The following NBAS variants were observed in gnomAD, a reference collection of about 807,000 sequenced individuals.
The protein encoded by NBAS is NBAS subunit of NRZ tethering complex, also known as NAG/BC035112 fusion.
Under a neutral mutation model 302.5 loss-of-function variants are expected in NBAS, and 219 were observed. The ratio of observed to expected loss-of-function variants is 0.72; its 90% CI spans 0.65 to 0.81. The LOEUF (loss-of-function observed/expected upper bound fraction) is 0.81, where lower values mean the gene tolerates loss of function less well. Among genes scored for constraint, NBAS ranks in the 30% least tolerant of loss-of-function variants. The pLI is 0.00. For synonymous variants in NBAS, 1,118 were observed against 1,021.6 expected (o/e 1.09, Z -1.80); for missense variants, 2,932 against 2,841.6 (o/e 1.03, Z -0.72).
At chr2:15,136,656 G>A in the NBAS span, among the ~76,000 whole-genome samples, 1 of 152,196 alleles carries the variant, frequency 6.6e-6, no homozygotes, top group Non-Finnish European at 1.5e-5. Context: ...AGGTCAGGGA[G>A]ACACGGGTTT....
intron 6 of NBAS, among the ~76,000 whole-genome samples, chr2:15,545,669 C>T (rs1664074366): frequency 6.6e-6 from 1 of 152,150 alleles, no homozygotes; most frequent in South Asian, 2.1e-4. Flanking sequence ...TAAAAGACTG[C>T]TTACAAGAAA....
At chr2:15,260,926 C>A (rs919047153) in intron 44 of NBAS, among the ~76,000 whole-genome samples, 1 of 152,198 alleles carries the variant, frequency 6.6e-6, no homozygotes, top group Non-Finnish European at 1.5e-5. Context: ...GATCCTAATC[C>A]ACAGTCTAGT....
At chr2:15,164,834 C>A (rs553612297), downstream of NBAS, among the ~76,000 whole-genome samples, 12 of 152,290 alleles carry the variant, frequency 7.9e-5, no homozygotes, top group East Asian at 1.9e-3. Context: ...TCTCTTCCCC[C>A]CTCCCCGCCG....
chr2:14,931,299 G>C, the NBAS span, among the ~76,000 whole-genome samples: 1 of 152,124 alleles, frequency 6.6e-6, no homozygotes, highest in East Asian at 1.9e-4. Context: ...AGTTTTGCAG[G>C]TTTTTTGTTT....
chr2:15,549,288 C>A (rs1664263565), intron 6 of NBAS, among the ~76,000 whole-genome samples: 1 of 151,892 alleles, frequency 6.6e-6, no homozygotes, highest in South Asian at 2.1e-4. Context: ...TTTTAATGAT[C>A]AATTTGCCAA....
chr2:15,298,386 T>A (rs1263032408), intron 40 of NBAS, among the ~76,000 whole-genome samples: 1 of 152,036 alleles, frequency 6.6e-6, no homozygotes, highest in Non-Finnish European at 1.5e-5. Context: ...TAAGAAAAAA[T>A]TACTTACAGG....
At chr2:15,442,567 A>T (rs1191464885) in intron 21 of NBAS, among the ~76,000 whole-genome samples, 2 of 152,082 alleles carry the variant, frequency 1.3e-5, no homozygotes, top group Non-Finnish European at 2.9e-5. Flanking sequence ...TCCCAAATTG[A>T]CACCTTAACA....
chr2:15,314,093 C>T (rs2148178140), intron 38 of NBAS, among the ~76,000 whole-genome samples: 1 of 152,202 alleles, frequency 6.6e-6, no homozygotes, highest in South Asian at 2.1e-4. Context: ...GTGGCTCATG[C>T]CTGTAATCCC....
At chr2:14,859,890 A>G in the NBAS span, among the ~76,000 whole-genome samples, 2 of 152,248 alleles carry the variant, frequency 1.3e-5, no homozygotes, top group East Asian at 1.9e-4. Context: ...CAAACTAAAG[A>G]CATAACCCAC....
the NBAS span, among the ~76,000 whole-genome samples, chr2:15,027,917 T>G: frequency 6.6e-6 from 1 of 152,328 alleles, no homozygotes; most frequent in Non-Finnish European, 1.5e-5. Context: ...TCCTTCAGTT[T>G]GTCAATATAA....
At chr2:15,560,909 A>C (rs1287707771) in intron 1 of NBAS, among the ~76,000 whole-genome samples, 1 of 152,126 alleles carries the variant, frequency 6.6e-6, no homozygotes, top group Non-Finnish European at 1.5e-5. Context: ...ACAGAGAGCG[A>C]AACTGAGAAC....
the NBAS span, among the ~76,000 whole-genome samples, chr2:15,071,215 T>C: frequency 7.9e-5 from 12 of 152,352 alleles, no homozygotes; most frequent in Non-Finnish European, 1.8e-4. Context: ...CAGGGAACAA[T>C]GTTCCCTCTC....
chr2:15,178,125 T>C (rs1285563599), intron 51 of NBAS: 2 of 470,506 alleles, frequency 4.3e-6, no homozygotes, highest in Non-Finnish European at 8.8e-6. Context: ...CTGCTCTAGA[T>C]TCTCCTTCCT....
At chr2:15,171,104 A>G (rs982024468) in intron 51 of NBAS, among the ~76,000 whole-genome samples, 7 of 152,248 alleles carry the variant, frequency 4.6e-5, no homozygotes, top group Non-Finnish European at 8.8e-5. Context: ...CTGACCATGC[A>G]TTATTCATTC....
chr2:14,973,735 C>A, the NBAS span, among the ~76,000 whole-genome samples: 2 of 152,184 alleles, frequency 1.3e-5, no homozygotes, highest in Admixed American at 6.5e-5. Flanking sequence ...CCATTATAAT[C>A]CTGTACATAA....
intron 42 of NBAS, among the ~76,000 whole-genome samples, chr2:15,284,986 C>A (rs1168516331): frequency 1.3e-5 from 2 of 152,114 alleles, no homozygotes; most frequent in African/African-American, 4.8e-5. Context: ...ATTCAGAGAC[C>A]AAGGAAGCAT....
At chr2:15,201,125 C>G (rs1665857614) in intron 48 of NBAS, among the ~76,000 whole-genome samples, 1 of 152,216 alleles carries the variant, frequency 6.6e-6, no homozygotes, top group Admixed American at 6.5e-5. Flanking sequence ...TCACCATACT[C>G]TTATCTTCCA....
At chr2:15,240,446 CAAAAAAAAA>C (rs1175235771) in intron 44 of NBAS, among the ~76,000 whole-genome samples, 1 of 75,352 alleles carries the variant, frequency 1.3e-5, no homozygotes, top group Non-Finnish European at 3.1e-5. Flanking sequence ...ACTAAAAATA[CAAAAAAAAA>C]AAAAAAAAAA....
intron 40 of NBAS, 120 bp downstream of exon 40, chr2:15,308,096 C>T: frequency 2.0e-6 from 3 of 1,478,000 alleles, no homozygotes; most frequent in Non-Finnish European, 1.9e-6. Context: ...CTGCCTGCCA[C>T]TTGGAATACA....
Sources: allele counts gnomAD v4.1 joint callset (sites outside exome capture counted in the v4.1 genomes callset), GRCh38; gene constraint gnomAD v4.1.1; transcripts MANE v1.5; gene names NCBI Gene and HGNC (gene_info 2026-07-23, HGNC 2026-07-21).